Variants in SLC7A5 observed in about 807,000 individuals in gnomAD.
The protein encoded by SLC7A5 is large neutral amino acids transporter small subunit 1.
In SLC7A5, 23 loss-of-function variants were observed where a neutral mutation model predicts 50.2. The observed-to-expected ratio is 0.46, with a 90% CI of 0.33 to 0.65. SLC7A5 has a LOEUF of 0.65. Ranked by LOEUF, SLC7A5 falls within the 30% of genes least tolerant of loss-of-function variation. SLC7A5 has a pLI of 0.02. For missense variants in SLC7A5, 578 were observed against 684.4 expected (o/e 0.84, Z 1.73); for synonymous variants, 393 against 330.6 (o/e 1.19, Z -2.05).
At chr16:87,851,065 A>G (rs1465461129) in intron 2 of SLC7A5, among the ~76,000 whole-genome samples, 3 of 152,142 alleles carry the variant, frequency 2.0e-5, no homozygotes, top group Non-Finnish European at 4.4e-5. Context: ...CCCCAAGATC[A>G]CACAGCACAA....
intron 1 of SLC7A5, among the ~76,000 whole-genome samples, chr16:87,863,283 T>C (rs1017796758): frequency 3.9e-5 from 6 of 152,166 alleles, no homozygotes; most frequent in Non-Finnish European, 7.3e-5. Context: ...GAGTTCCCAC[T>C]TACTGAGAAC....
chr16:87,847,246 TGAAAC>T (rs1453930302), intron 2 of SLC7A5, among the ~76,000 whole-genome samples: 1 of 152,070 alleles, frequency 6.6e-6, no homozygotes, highest in African/African-American at 2.4e-5. Flanking sequence ...AAGGTGTGGG[TGAAAC>T]GTTTTTCTCA....
At chr16:87,868,778 A>G (rs2055494979) in intron 1 of SLC7A5, 107 bp downstream of exon 1, 4 of 1,197,250 alleles carry the variant, frequency 3.3e-6, no homozygotes, top group Non-Finnish European at 4.8e-6. Flanking sequence ...GGGATGGTCC[A>G]GGAACGTAAA....
chr16:87,836,619 G>C lies in SLC7A5; in HGVS notation c.1169C>G (p.Ser390Cys). Residue 390 changes from serine to cysteine, a missense_variant, in exon 8 of 10, where the codon TCC becomes TGC. Around this residue, in one of 2 missense-constraint regions of SLC7A5, gnomAD observed 465 missense variants for 594.6 expected, o/e 0.78. Transcript: ENST00000261622. ...TCVMTLLYAFSKDIFSVINFF... is the reference protein window; with the variant it reads ...TCVMTLLYAFCKDIFSVINFF... ...GTTGATGACGGAGAAGATGTCCTTG[G>C]AGAAGGCGTAGAGCAGCGTCATCAC... 1 of 1,613,388 alleles carries C rather than the reference G, an allele frequency of 6.2e-7. No individual in the cohort carries two copies. Among genetic ancestry groups the C allele is most frequent in the Non-Finnish European group, 8.5e-7 (1 of 1,180,036 alleles).
chr16:87,854,963 T>C (rs966940261), intron 1 of SLC7A5, among the ~76,000 whole-genome samples: 5 of 152,218 alleles, frequency 3.3e-5, no homozygotes, highest in East Asian at 1.9e-4. Context: ...CGGGTGGGCA[T>C]TGACAGCAAG....
intron 4 of SLC7A5, 115 bp downstream of exon 4, chr16:87,840,314 C>G: frequency 3.1e-6 from 3 of 956,046 alleles, no homozygotes; most frequent in South Asian, 2.6e-5. Context: ...GCCCCAATCA[C>G]GGCCCGACTG....
At chr16:87,855,752 G>A (rs2055309561) in intron 1 of SLC7A5, among the ~76,000 whole-genome samples, 1 of 152,030 alleles carries the variant, frequency 6.6e-6, no homozygotes, top group African/African-American at 2.4e-5. Flanking sequence ...AGTAACAGGT[G>A]TGTTCAATAT....
intron 6 of SLC7A5, 121 bp from the exon 7 acceptor site, chr16:87,838,062 C>G: frequency 1.3e-6 from 1 of 782,688 alleles, no homozygotes; most frequent in Non-Finnish European, 2.2e-6. Flanking sequence ...TCTCTGGCCA[C>G]AGTGGGAACC....
intron 8 of SLC7A5, among the ~76,000 whole-genome samples, chr16:87,835,393 C>T (rs1282468718): frequency 6.6e-6 from 1 of 152,264 alleles, no homozygotes; most frequent in East Asian, 1.9e-4. Flanking sequence ...ACAGCAGGCA[C>T]AAGCTGGTGC....
chr16:87,844,355 G>A (rs886144304), intron 2 of SLC7A5, among the ~76,000 whole-genome samples: 2 of 152,118 alleles, frequency 1.3e-5, no homozygotes, highest in East Asian at 1.9e-4. Flanking sequence ...CGGTGGGAAC[G>A]AGCGCTCCAA....
At chr16:87,857,715 C>T (rs1056473395) in intron 1 of SLC7A5, among the ~76,000 whole-genome samples, 2 of 152,274 alleles carry the variant, frequency 1.3e-5, no homozygotes, top group Admixed American at 1.3e-4. Context: ...CCCCACCTGT[C>T]TGCTCAGTGT....
At chr16:87,854,880 C>T (rs1004418280) in intron 1 of SLC7A5, among the ~76,000 whole-genome samples, 11 of 152,208 alleles carry the variant, frequency 7.2e-5, no homozygotes, top group Non-Finnish European at 1.3e-4. Context: ...GGAGGAACCC[C>T]TGCCCTCCTC....
intron 3 of SLC7A5, 39 bp from the exon 4 acceptor site, chr16:87,840,512 C>T (rs762942005): frequency 1.3e-6 from 2 of 1,524,602 alleles, no homozygotes; most frequent in South Asian, 1.1e-5. Flanking sequence ...ATATGATCCT[C>T]ATCAGGGAAA....
chr16:87,839,600 G>A (rs950574788), intron 5 of SLC7A5, 102 bp downstream of exon 5: 27 of 1,560,512 alleles, frequency 1.7e-5, no homozygotes, highest in South Asian at 1.2e-4. Flanking sequence ...CCCCCTCTGC[G>A]TAGGGGAGGC....
rs997267289 is a variant in SLC7A5, at chr16:87,831,402, T to C, written c.*1568A>G. ...CCGGGCCCACTGGATGGTGAGGGGGTCCCGGTGCCCAGGCGGGGGCGGCAG... is the reference window on the plus strand; with the variant it reads ...CCGGGCCCACTGGATGGTGAGGGGGCCCCGGTGCCCAGGCGGGGGCGGCAG... On this transcript the variant is annotated 3_prime_UTR_variant, in exon 10 of 10. Transcript: ENST00000261622. 1 of 151,930 alleles carries C rather than the reference T, an allele frequency of 6.6e-6. No homozygotes were observed. Among genetic ancestry groups the C allele is most frequent in the African/African-American group, 2.4e-5 (1 of 41,318 alleles). 9.4% of individuals were successfully genotyped at this position (151,930 alleles called of 1,614,324 possible).
chr16:87,837,097 A>G (rs1403953097), intron 7 of SLC7A5, among the ~76,000 whole-genome samples: 1 of 152,252 alleles, frequency 6.6e-6, no homozygotes, highest in African/African-American at 2.4e-5. Flanking sequence ...AGAGTCCAGG[A>G]CTTGCTGCCC....
intron 2 of SLC7A5, among the ~76,000 whole-genome samples, chr16:87,851,137 G>A (rs781509488): frequency 2.0e-5 from 3 of 151,658 alleles, no homozygotes; most frequent in Admixed American, 6.5e-5. Context: ...ACCTGTTCCC[G>A]AATGCTAACA....
intron 3 of SLC7A5, 105 bp from the exon 4 acceptor site, chr16:87,840,578 G>T: frequency 1.0e-6 from 1 of 958,234 alleles, no homozygotes; most frequent in Non-Finnish European, 1.7e-6. Context: ...CCCCCCGGTG[G>T]TCTGCTCGCT....
chr16:87,843,347 C>CTTTTTTTTTTTTTTTTT (rs60307560), intron 2 of SLC7A5, among the ~76,000 whole-genome samples: 1 of 63,258 alleles, frequency 1.6e-5, no homozygotes, highest in African/African-American at 6.5e-5. Flanking sequence ...GCCTGAGTAA[C>CTTTTTTTTTTTTTTTTT]TTTTTTTTTT....
Sources: allele counts gnomAD v4.1 joint callset (sites outside exome capture counted in the v4.1 genomes callset), GRCh38; gene constraint gnomAD v4.1.1; regional missense constraint gnomAD v4.1.1; transcripts MANE v1.5; gene names NCBI Gene and HGNC (gene_info 2026-07-23, HGNC 2026-07-21).